Variants in CENPW observed in about 807,000 individuals in gnomAD.
The protein encoded by CENPW is centromere protein W, also known as cancer-up-regulated gene 2 protein.
In CENPW, 3 loss-of-function variants were observed where a neutral mutation model predicts 11.1. That is an observed-to-expected ratio of 0.27 (90% confidence interval 0.12 to 0.70). The LOEUF is 0.70. Among genes scored for constraint, CENPW ranks in the 30% least tolerant of loss-of-function variants. The probability of loss-of-function intolerance (pLI) is 0.77; values close to 1 mark genes in which losing one functional copy is unlikely to be tolerated. For missense variants in CENPW, 100 were observed against 105.6 expected (o/e 0.95, Z 0.23); for synonymous variants, 38 against 42.0 (o/e 0.91, Z 0.37).
chr6:126,437,465 G>T, the CENPW span, among the ~76,000 whole-genome samples: 2 of 151,884 alleles, frequency 1.3e-5, no homozygotes, highest in Non-Finnish European at 2.9e-5. Flanking sequence ...AGCCACTTTG[G>T]CTCCTTGGTT....
the CENPW span, among the ~76,000 whole-genome samples, chr6:126,438,495 G>GT: frequency 0.46 from 68,934 of 151,464 alleles, 17,371 homozygotes; most frequent in East Asian, 0.97. Context: ...TGGATACAGT[G>GT]TTGTTTAACA....
chr6:126,473,720 A>ATCTCTC, the CENPW span, among the ~76,000 whole-genome samples: 13 of 142,630 alleles, frequency 9.1e-5, no homozygotes, highest in Middle Eastern at 3.5e-3. Context: ...ACGAGAGTGA[A>ATCTCTC]TCTCTCTCTC....
chr6:126,358,962 G>C, the CENPW span, among the ~76,000 whole-genome samples: 1 of 151,468 alleles, frequency 6.6e-6, no homozygotes, highest in Non-Finnish European at 1.5e-5. Flanking sequence ...GCTTGCTTTG[G>C]GGTTGGTTTC....
At chr6:126,438,298 T>C in the CENPW span, among the ~76,000 whole-genome samples, 1 of 151,744 alleles carries the variant, frequency 6.6e-6, no homozygotes, top group Non-Finnish European at 1.5e-5. Flanking sequence ...ATGAAGTATT[T>C]CATTTGGATA....
At chr6:126,394,197 T>G in the CENPW span, among the ~76,000 whole-genome samples, 1 of 121,324 alleles carries the variant, frequency 8.2e-6, no homozygotes, top group Admixed American at 1.0e-4. Context: ...TTTTGTGGTC[T>G]TCTTTTCCTT....
At chr6:126,431,042 C>A in the CENPW span, among the ~76,000 whole-genome samples, 1 of 152,052 alleles carries the variant, frequency 6.6e-6, no homozygotes, top group Admixed American at 6.5e-5. Context: ...CACCACTATC[C>A]TACACACATG....
chr6:126,390,980 G>T, the CENPW span, among the ~76,000 whole-genome samples: 1 of 151,814 alleles, frequency 6.6e-6, no homozygotes, highest in Non-Finnish European at 1.5e-5. Context: ...TTCTTTGGGG[G>T]TATATACCTA....
chr6:126,477,201 C>T, the CENPW span, among the ~76,000 whole-genome samples: 75 of 151,956 alleles, frequency 4.9e-4, no homozygotes, highest in African/African-American at 1.7e-3. Flanking sequence ...GAAGAAACAC[C>T]AGTTGCCTAT....
the CENPW span, among the ~76,000 whole-genome samples, chr6:126,427,524 TC>T: frequency 6.6e-6 from 1 of 152,196 alleles, no homozygotes; most frequent in African/African-American, 2.4e-5. Context: ...TGTTATAACT[TC>T]TAGTCTAATT....
the CENPW span, among the ~76,000 whole-genome samples, chr6:126,362,077 C>T: frequency 6.6e-6 from 1 of 152,100 alleles, no homozygotes; most frequent in African/African-American, 2.4e-5. Context: ...AGTGGGTCGA[C>T]AGGGGCCCTG....
chr6:126,348,314 A>G (rs531228669), intron 2 of CENPW, 152 bp from the exon 3 acceptor site: 70 of 530,366 alleles, frequency 1.3e-4, no homozygotes, highest in Admixed American at 2.7e-4. Context: ...AGATTCCCTA[A>G]TCACCTGGAA....
the CENPW span, among the ~76,000 whole-genome samples, chr6:126,358,470 T>C: frequency 6.6e-6 from 1 of 152,194 alleles, no homozygotes; most frequent in Non-Finnish European, 1.5e-5. Flanking sequence ...AATAATCATA[T>C]GGTTTTTGCT....
chr6:126,414,614 G>T, the CENPW span, among the ~76,000 whole-genome samples: 1 of 151,896 alleles, frequency 6.6e-6, no homozygotes, highest in African/African-American at 2.4e-5. Context: ...AAACCTATGG[G>T]ATATAGCAAA....
chr6:126,434,170 A>G, the CENPW span, among the ~76,000 whole-genome samples: 1 of 152,042 alleles, frequency 6.6e-6, no homozygotes, highest in Non-Finnish European at 1.5e-5. Context: ...TTTCAGTACA[A>G]CTCAAGAGTT....
At chr6:126,433,761 A>C in the CENPW span, among the ~76,000 whole-genome samples, 1 of 152,110 alleles carries the variant, frequency 6.6e-6, no homozygotes, top group Non-Finnish European at 1.5e-5. Flanking sequence ...TATTAATAGC[A>C]AGTTTTAGTC....
At chr6:126,461,177 C>T in the CENPW span, among the ~76,000 whole-genome samples, 1 of 151,764 alleles carries the variant, frequency 6.6e-6, no homozygotes, top group Non-Finnish European at 1.5e-5. Context: ...ATGATTGAAT[C>T]ATGGGGCGGG....
chr6:126,406,302 T>C, the CENPW span, among the ~76,000 whole-genome samples: 1 of 152,150 alleles, frequency 6.6e-6, no homozygotes, highest in Non-Finnish European at 1.5e-5. Context: ...TCCCACTTGA[T>C]TATGGGTATA....
the CENPW span, among the ~76,000 whole-genome samples, chr6:126,356,430 T>A: frequency 1.3e-5 from 2 of 152,192 alleles, no homozygotes; most frequent in East Asian, 3.8e-4. Flanking sequence ...TTTGCTATGC[T>A]AGTAATATCA....
chr6:126,384,865 C>G, the CENPW span, among the ~76,000 whole-genome samples: 1 of 151,984 alleles, frequency 6.6e-6, no homozygotes, highest in African/African-American at 2.4e-5. Flanking sequence ...GCAAACTATG[C>G]ATCTGACAAA....
Sources: gnomAD v4.1 joint callset for allele counts (sites outside exome capture counted in the v4.1 genomes callset) on GRCh38, gnomAD v4.1.1 for gene constraint, MANE v1.5 for transcripts, NCBI Gene and HGNC (gene_info 2026-07-23, HGNC 2026-07-21) for gene names.